Variants in TMCC1 observed in about 807,000 individuals in gnomAD.
TMCC1 encodes the protein transmembrane and coiled-coil domains protein 1.
In TMCC1, 15 loss-of-function variants were observed where a neutral mutation model predicts 52.4. The ratio of observed to expected loss-of-function variants is 0.29; its 90% CI spans 0.19 to 0.44. The LOEUF (loss-of-function observed/expected upper bound fraction) is 0.44. TMCC1 is among the 20% of genes least tolerant of loss of function. TMCC1 has a pLI of 1.00. For synonymous variants in TMCC1, 279 were observed against 301.9 expected, an observed-to-expected ratio of 0.92 and a Z score of 0.79; for missense variants, 503 against 806.0, an observed-to-expected ratio of 0.62 and a Z score of 4.55.
intron 1 of TMCC1, among the ~76,000 whole-genome samples, chr3:129,881,775 G>A (rs1485406111): frequency 2.6e-5 from 4 of 152,264 alleles, no homozygotes; most frequent in Non-Finnish European, 5.9e-5. Flanking sequence ...AAGGAAAGAC[G>A]AGTGAATGTA....
chr3:129,782,231 T>C (rs1339098358), intron 4 of TMCC1, among the ~76,000 whole-genome samples: 1 of 152,054 alleles, frequency 6.6e-6, no homozygotes, highest in South Asian at 2.1e-4. Context: ...ACCAACAGAC[T>C]GGATAAAATC....
At chr3:129,703,836 T>C (rs1412587898) in intron 4 of TMCC1, among the ~76,000 whole-genome samples, 1 of 152,198 alleles carries the variant, frequency 6.6e-6, no homozygotes, top group Non-Finnish European at 1.5e-5. Flanking sequence ...TGCTGTAGAT[T>C]AGATGATCTC....
chr3:129,799,612 C>A (rs576500230), intron 4 of TMCC1, among the ~76,000 whole-genome samples: 150 of 152,192 alleles, frequency 9.9e-4, no homozygotes, highest in African/African-American at 3.4e-3. Context: ...AGATCGAGAC[C>A]ATCCTGGCTA....
chr3:129,875,064 G>A (rs1049450352), intron 2 of TMCC1, among the ~76,000 whole-genome samples: 4 of 151,876 alleles, frequency 2.6e-5, no homozygotes, highest in African/African-American at 9.7e-5. Context: ...GCATTAAGAT[G>A]ACCAATACCA....
chr3:129,718,502 G>A (rs1037491909), intron 4 of TMCC1, among the ~76,000 whole-genome samples: 1 of 152,236 alleles, frequency 6.6e-6, no homozygotes, highest in African/African-American at 2.4e-5. Flanking sequence ...TGTAAACCTC[G>A]AATAATACCA....
At chr3:129,753,506 C>A (rs1026991411) in intron 4 of TMCC1, among the ~76,000 whole-genome samples, 1 of 152,076 alleles carries the variant, frequency 6.6e-6, no homozygotes, top group Non-Finnish European at 1.5e-5. Context: ...ACATCACAAC[C>A]AAGTGGGATT....
chr3:129,833,511 A>C (rs573601429), intron 2 of TMCC1, among the ~76,000 whole-genome samples: 17 of 152,336 alleles, frequency 1.1e-4, no homozygotes, highest in African/African-American at 3.8e-4. Context: ...TGGAGATTAC[A>C]GCGAGCTATG....
chr3:129,837,086 C>T (rs2059192682), intron 2 of TMCC1, among the ~76,000 whole-genome samples: 1 of 152,130 alleles, frequency 6.6e-6, no homozygotes, highest in African/African-American at 2.4e-5. Flanking sequence ...TTCTCTAAAA[C>T]AGCAATAGCC....
chr3:129,705,783 G>A (rs866327119), intron 4 of TMCC1, among the ~76,000 whole-genome samples: 4 of 151,802 alleles, frequency 2.6e-5, no homozygotes, highest in South Asian at 2.1e-4. Context: ...TAGTAGAGAC[G>A]GGGTTTCACC....
At chr3:129,669,114 C>A (rs559516850) in intron 5 of TMCC1, among the ~76,000 whole-genome samples, 2 of 152,158 alleles carry the variant, frequency 1.3e-5, no homozygotes, top group Admixed American at 1.3e-4. Flanking sequence ...CCATCTGAAA[C>A]GAACTTGCTG....
intron 4 of TMCC1, among the ~76,000 whole-genome samples, chr3:129,759,761 AC>A (rs1478620840): frequency 1.9e-5 from 2 of 102,768 alleles, no homozygotes; most frequent in African/African-American, 4.0e-5. Context: ...TCGTTCTGTC[AC>A]CCAGGCTGGA....
At chr3:129,841,164 G>T (rs778833419) in intron 2 of TMCC1, among the ~76,000 whole-genome samples, 6 of 152,248 alleles carry the variant, frequency 3.9e-5, no homozygotes, top group Admixed American at 3.9e-4. Context: ...TTAGCAAACA[G>T]ACTGGTGGCA....
chr3:129,854,500 A>C (rs2060063301), intron 2 of TMCC1, among the ~76,000 whole-genome samples: 2 of 152,124 alleles, frequency 1.3e-5, no homozygotes, highest in Admixed American at 1.3e-4. Flanking sequence ...AAAACTTCTT[A>C]ACATGACCTA....
At chr3:129,729,230 T>C (rs922382082) in intron 4 of TMCC1, among the ~76,000 whole-genome samples, 2 of 152,192 alleles carry the variant, frequency 1.3e-5, no homozygotes, top group African/African-American at 4.8e-5. Flanking sequence ...TGTCAGCATT[T>C]GCAACTGTCA....
intron 2 of TMCC1, among the ~76,000 whole-genome samples, chr3:129,835,989 T>C (rs941219862): frequency 3.9e-5 from 6 of 152,152 alleles, no homozygotes; most frequent in African/African-American, 1.4e-4. Context: ...AAAAAAAAAT[T>C]AATCAAGAAT....
intron 4 of TMCC1, among the ~76,000 whole-genome samples, chr3:129,741,274 T>C (rs1446799837): frequency 1.3e-5 from 2 of 152,220 alleles, no homozygotes; most frequent in East Asian, 1.9e-4. Flanking sequence ...TAAAGACACA[T>C]GTACTATCAG....
intron 2 of TMCC1, among the ~76,000 whole-genome samples, chr3:129,843,529 G>C (rs1317623632): frequency 6.6e-6 from 1 of 151,878 alleles, no homozygotes; most frequent in Non-Finnish European, 1.5e-5. Context: ...CCAATATCAG[G>C]AATGAAGGAG....
chr3:129,765,020 T>C (rs1326665322), intron 4 of TMCC1, among the ~76,000 whole-genome samples: 2 of 151,064 alleles, frequency 1.3e-5, no homozygotes, highest in Admixed American at 6.6e-5. Context: ...CAGGCTAGTC[T>C]TGAACTCCTG....
At chr3:129,722,373 C>T (rs536038861) in intron 4 of TMCC1, among the ~76,000 whole-genome samples, 5 of 152,224 alleles carry the variant, frequency 3.3e-5, no homozygotes, top group African/African-American at 1.2e-4. Flanking sequence ...AGTTTCATCC[C>T]CAAACCATCC....
Sources: gnomAD v4.1 joint callset for allele counts (sites outside exome capture counted in the v4.1 genomes callset) on GRCh38, gnomAD v4.1.1 for gene constraint, MANE v1.5 for transcripts, NCBI Gene and HGNC (gene_info 2026-07-23, HGNC 2026-07-21) for gene names.